Variants in PRDM2 observed in about 807,000 individuals in gnomAD.
PRDM2 encodes the protein PR/SET domain 2.
In PRDM2, 30 loss-of-function variants were observed where a neutral mutation model predicts 130.0. The observed-to-expected ratio is 0.23, with a 90% CI of 0.17 to 0.31. The LOEUF (loss-of-function observed/expected upper bound fraction) is 0.31. Among genes scored for constraint, PRDM2 ranks in the 10% least tolerant of loss-of-function variants. PRDM2 has a pLI of 1.00. For synonymous variants in PRDM2, 871 were observed against 782.4 expected, an observed-to-expected ratio of 1.11 and a Z score of -1.89; for missense variants, 2,011 against 2,108.4, an observed-to-expected ratio of 0.95 and a Z score of 0.90.
chr1:13,773,874 A>G (rs1397474258), intron 7 of PRDM2, among the ~76,000 whole-genome samples: 1 of 152,202 alleles, frequency 6.6e-6, no homozygotes, highest in East Asian at 1.9e-4. Flanking sequence ...ACATGGGTAT[A>G]TATATTTAGT....
intron 8 of PRDM2, among the ~76,000 whole-genome samples, chr1:13,793,063 G>T (rs1455539218): frequency 1.3e-5 from 2 of 152,220 alleles, no homozygotes; most frequent in African/African-American, 4.8e-5. Flanking sequence ...GATGCTGATG[G>T]CCAGAGAGCA....
At chr1:13,742,306 A>G (rs1309658460) in intron 5 of PRDM2, 149 bp downstream of exon 5, 2 of 875,644 alleles carry the variant, frequency 2.3e-6, no homozygotes, top group Non-Finnish European at 3.5e-6. Flanking sequence ...GCCTTGGGCG[A>G]TCCTCGGACC....
chr1:13,746,783 C>T (rs1643624177), intron 5 of PRDM2, among the ~76,000 whole-genome samples: 1 of 152,196 alleles, frequency 6.6e-6, no homozygotes, highest in Non-Finnish European at 1.5e-5. Context: ...TCTCAAACTC[C>T]TGCGCTCAAG....
rs1645384854 is a variant in PRDM2, at chr1:13,823,378, C to A, written c.*243C>A. The stretch of plus-strand genomic sequence containing the variant: ...CGGGGCGGCAGGAAGGGGGCCGACT[C>A]CACGCTGTCCTTTGGGATGATACTT... On this transcript the variant is annotated 3_prime_UTR_variant, in exon 10 of 10. Coordinates refer to ENST00000311066, the MANE Select transcript of PRDM2 (RefSeq NM_001393986.1). 7.9e-6 allele frequency: 5 copies of A among 636,646 alleles called. No homozygotes were observed. In the Admixed American group the frequency reaches 1.0e-4, roughly 13 times the overall value. The allele number at this position is 636,646 out of a possible 1,614,324, so 39.4% of individuals were successfully genotyped here. A position where few individuals can be genotyped will look rare whatever the true frequency, so the allele number is the denominator to read the frequency against.
intron 8 of PRDM2, among the ~76,000 whole-genome samples, chr1:13,812,506 T>C (rs1206293650): frequency 6.6e-6 from 1 of 152,186 alleles, no homozygotes; most frequent in Non-Finnish European, 1.5e-5. Flanking sequence ...TGCCATTTCC[T>C]GAGAAGAGTG....
intron 8 of PRDM2, among the ~76,000 whole-genome samples, chr1:13,810,300 G>A (rs578210937): frequency 1.2e-4 from 18 of 152,090 alleles, no homozygotes; most frequent in Non-Finnish European, 2.5e-4. Flanking sequence ...CTCCTTTCCC[G>A]CTTCCAGGGA....
intron 4 of PRDM2, chr1:13,739,071 G>C (rs887151573): frequency 1.3e-5 from 2 of 150,078 alleles, no homozygotes; most frequent in African/African-American, 4.9e-5. Context: ...TTCTGAGACA[G>C]AGTCTTGCTC....
intron 6 of PRDM2, chr1:13,769,205 C>T (rs1644301540): frequency 1.0e-5 from 10 of 957,110 alleles, no homozygotes; most frequent in Non-Finnish European, 1.1e-5. Context: ...CCAGGCCTCC[C>T]AGCGGCTCCT....
In PRDM2 at chr1:13,778,653, TGATGAGTTGGAA is replaced by T. The variant is rs749538539; in HGVS notation, c.861_872del (p.Leu289_Glu292del). On this transcript the variant is annotated inframe_deletion, in exon 8 of 10. Transcript: ENST00000311066. ...AAGAAGAAGAAGAAGATGATGATGA[TGATGAGTTGGAA>T]GACGAGGGGGAAGAAGAAGCCAGCA... is the stretch of plus-strand genomic sequence containing the variant. 10 of 1,613,530 alleles carry T rather than the reference TGATGAGTTGGAA, an allele frequency of 6.2e-6. No individual in the cohort carries two copies. In the South Asian group the frequency reaches 1.1e-4, roughly 18 times the overall value.
intron 1 of PRDM2, among the ~76,000 whole-genome samples, chr1:13,707,802 AG>A (rs1388737192): frequency 6.6e-6 from 1 of 151,864 alleles, no homozygotes; most frequent in African/African-American, 2.4e-5. Context: ...TACTTCATGC[AG>A]GAAAATTGAC....
intron 8 of PRDM2, among the ~76,000 whole-genome samples, chr1:13,807,449 G>A (rs1645103173): frequency 2.6e-5 from 4 of 152,242 alleles, no homozygotes; most frequent in Admixed American, 2.6e-4. Flanking sequence ...AGTAAACGCA[G>A]CTCTGTTGAT....
At chr1:13,760,467 T>G (rs895373899) in intron 6 of PRDM2, among the ~76,000 whole-genome samples, 10 of 151,976 alleles carry the variant, frequency 6.6e-5, no homozygotes, top group African/African-American at 2.2e-4. Context: ...GAGCCTGGAG[T>G]GTGCGTGTAT....
At position 13,781,235 on chromosome 1, in the gene PRDM2, A is replaced by G. The variant is rs575267936; in HGVS notation, c.3440A>G (p.Lys1147Arg). ...NVCESPFLSI[K>R]DLTKHLSIHA... is the part of the protein sequence containing the mutation. ...TGTGAATCACCTTTTCTTTCCATTAAAGATCTAACCAAACATTTATCTATT... is the reference window on the plus strand; with the variant it reads ...TGTGAATCACCTTTTCTTTCCATTAGAGATCTAACCAAACATTTATCTATT... The change falls in exon 8 of 10, where the codon AAA becomes AGA. Residue 1147 changes from lysine to arginine, a missense_variant. Physicochemically the swap from Lys to Arg is conservative, Grantham distance 26. Coordinates refer to ENST00000311066, the MANE Select transcript of PRDM2 (RefSeq NM_001393986.1). This position sits in a 1 kb window ranked among gnomAD's most constrained non-coding sequence, Gnocchi z 6.1. The G allele has an allele frequency of 1.6e-5, 26 of 1,614,208 alleles. No individual in the cohort carries two copies. The highest frequency in any genetic ancestry group is 2.7e-5 in the African/African-American group (2 of 75,036).
chr1:13,800,599 G>A (rs372205272), intron 8 of PRDM2, among the ~76,000 whole-genome samples: 2 of 152,160 alleles, frequency 1.3e-5, no homozygotes, highest in African/African-American at 4.8e-5. Flanking sequence ...AGGCATATGC[G>A]CTGGGAGCCC....
chr1:13,782,906 CTT>C, intron 8 of PRDM2, 75 bp downstream of exon 8: 1 of 1,517,124 alleles, frequency 6.6e-7, no homozygotes, highest in East Asian at 2.4e-5. Context: ...TTTTTGGTTT[CTT>C]GTTGCTTTTT....
chr1:13,750,203 A>C (rs192951016), intron 6 of PRDM2, among the ~76,000 whole-genome samples: 1 of 152,046 alleles, frequency 6.6e-6, no homozygotes, highest in South Asian at 2.1e-4. Context: ...TCTGGGTAGG[A>C]AAATAGTTTG....
rs576071215 is a variant in PRDM2 at position 13,775,860 on chromosome 1, C to T, written c.623-2558C>T. On this transcript the variant is annotated intron_variant, in intron 7 of 9. Coordinates refer to ENST00000311066, the MANE Select transcript of PRDM2 (RefSeq NM_001393986.1). ...CTCCTCGGCCTCCAGTGATGACCTT[C>T]CCCCATCCCTTCACCCACCCTGCAG... Among the ~76,000 whole-genome samples, 8 of 152,262 alleles carry T rather than the reference C, an allele frequency of 5.3e-5. 1 individual carries two copies. In the South Asian group the frequency reaches 1.7e-3, roughly 32 times the overall value.
rs568435476 is a variant in PRDM2 at position 13,750,375 on chromosome 1, GTTTTTTGT to G, written c.511+911_511+918del. Among the ~76,000 whole-genome samples, 149 of 150,420 alleles carry G rather than the reference GTTTTTTGT, an allele frequency of 9.9e-4. 1 individual carries two copies. The highest frequency in any genetic ancestry group is 4.2e-3 in the South Asian group (20 of 4,764). ...CTTATTGATACAAATACAGGTTTGT[GTTTTTTGT>G]TTTTTTGTTTTTTTGTTTTTTTTTT... On this transcript the variant is annotated intron_variant, in intron 6 of 9. Coordinates refer to ENST00000311066, the MANE Select transcript of PRDM2 (RefSeq NM_001393986.1).
At chr1:13,810,787 C>T (rs950587943) in intron 8 of PRDM2, among the ~76,000 whole-genome samples, 15 of 152,096 alleles carry the variant, frequency 9.9e-5, no homozygotes, top group African/African-American at 3.4e-4. Flanking sequence ...AGCCACCGCA[C>T]CTGGCTGAAA....
Sources: allele counts gnomAD v4.1 joint callset (sites outside exome capture counted in the v4.1 genomes callset), GRCh38; gene constraint gnomAD v4.1.1; non-coding constraint Gnocchi (gnomAD v3.1); transcripts MANE v1.5; gene names NCBI Gene and HGNC (gene_info 2026-07-23, HGNC 2026-07-21).